Variants in PELI1 observed in about 807,000 individuals in gnomAD.
PELI1 encodes the protein pellino E3 ubiquitin protein ligase 1, also known as E3 ubiquitin-protein ligase pellino homolog 1.
A neutral mutation model predicts 41.3 loss-of-function variants in PELI1; 15 were observed. That is an observed-to-expected ratio of 0.36 (90% CI 0.24 to 0.56). The LOEUF (loss-of-function observed/expected upper bound fraction) is 0.56, where lower values mean the gene tolerates loss of function less well. Ranked by LOEUF, PELI1 falls within the 20% of genes least tolerant of loss-of-function variation. The probability of loss-of-function intolerance (pLI) is 0.82; values close to 1 mark genes in which losing one functional copy is unlikely to be tolerated. For synonymous variants in PELI1, 178 were observed against 180.1 expected (o/e 0.99, Z 0.09); for missense variants, 403 against 525.5 (o/e 0.77, Z 2.28).
intron 1 of PELI1, among the ~76,000 whole-genome samples, chr2:64,139,416 C>T (rs182406309): frequency 9.9e-4 from 150 of 152,056 alleles, no homozygotes; most frequent in African/African-American, 3.5e-3. Flanking sequence ...AGTGATCTTC[C>T]CACCTCAGCT....
chr2:64,143,264 T>C (rs1558491102), intron 1 of PELI1: 1 of 152,256 alleles, frequency 6.6e-6, no homozygotes, highest in Non-Finnish European at 1.5e-5. Context: ...TTAGAGGTTT[T>C]AAGATTCAAA....
chr2:64,093,226 T>C lies in PELI1; in HGVS notation c.*1476A>G, dbSNP rs1680112111. On this transcript the variant is annotated 3_prime_UTR_variant, in exon 7 of 7. Transcript: ENST00000358912. ...TTGTTTTTTAAAAACCAAAAGAAAA[T>C]TCAGAACAGTTTTGTAATAGGATAA... 6.6e-6 allele frequency: 1 copy of C among 152,518 alleles called. No individual in the cohort carries two copies. Among genetic ancestry groups the C allele is most frequent in the South Asian group, 2.1e-4 (1 of 4,822 alleles). 9.4% of individuals were successfully genotyped at this position (152,518 alleles called of 1,614,324 possible). A position where few individuals can be genotyped will look rare whatever the true frequency, so the allele number is the denominator to read the frequency against.
At chr2:64,139,110 T>A (rs1227809855) in intron 1 of PELI1, among the ~76,000 whole-genome samples, 2 of 152,190 alleles carry the variant, frequency 1.3e-5, no homozygotes, top group African/African-American at 4.8e-5. Context: ...TCATTAAATA[T>A]CCAGAGTCTA....
intron 1 of PELI1, among the ~76,000 whole-genome samples, chr2:64,136,512 A>C (rs1196051138): frequency 6.6e-6 from 1 of 152,252 alleles, no homozygotes; most frequent in East Asian, 1.9e-4. Flanking sequence ...TTCCTTACAC[A>C]GTTATATACT....
chr2:64,141,213 T>G (rs1681902148), intron 1 of PELI1, among the ~76,000 whole-genome samples: 1 of 152,188 alleles, frequency 6.6e-6, no homozygotes, highest in Non-Finnish European at 1.5e-5. Context: ...TTTCTTCACT[T>G]TGCTGATTTT....
chr2:64,096,164 G>A lies in PELI1; in HGVS notation c.651C>T (p.Ser217=). The A allele has an allele frequency of 6.2e-7, 1 of 1,613,902 alleles. No homozygotes were observed. The highest frequency in any genetic ancestry group is 8.5e-7 in the Non-Finnish European group (1 of 1,179,926). The change falls in exon 6 of 7, where the codon AGC becomes AGT. Residue 217 remains serine (S), a synonymous_variant. Transcript: ENST00000358912. ...REISVCGNVF[S]LRETRSAQQR... ...GCTGAGCCGATCTGGTTTCACGTAG[G>A]CTAAATACATTTCCACACACCGATA...
intron 1 of PELI1, among the ~76,000 whole-genome samples, chr2:64,128,960 TTC>T (rs1681471661): frequency 1.3e-5 from 2 of 152,192 alleles, no homozygotes; most frequent in African/African-American, 4.8e-5. Context: ...TTTGTTGCTG[TTC>T]TGTTTTACCT....
chr2:64,108,803 C>T (rs1368959382), intron 1 of PELI1, among the ~76,000 whole-genome samples: 1 of 152,174 alleles, frequency 6.6e-6, no homozygotes, highest in Non-Finnish European at 1.5e-5. Flanking sequence ...AAGAAGGCAG[C>T]AACCTGGAAA....
chr2:64,111,195 T>C (rs960142706), intron 1 of PELI1, among the ~76,000 whole-genome samples: 1 of 152,100 alleles, frequency 6.6e-6, no homozygotes, highest in Non-Finnish European at 1.5e-5. Flanking sequence ...AGGAATCTCA[T>C]GAATGAAAAA....
chr2:64,135,303 T>C (rs1681680128), intron 1 of PELI1, among the ~76,000 whole-genome samples: 2 of 152,086 alleles, frequency 1.3e-5, no homozygotes, highest in Admixed American at 1.3e-4. Flanking sequence ...CCTACATTAT[T>C]GAGTTAAAAA....
At chr2:64,122,350 A>G (rs1228375662) in intron 1 of PELI1, among the ~76,000 whole-genome samples, 10 of 150,942 alleles carry the variant, frequency 6.6e-5, no homozygotes, top group African/African-American at 2.5e-4. Context: ...CTTAAAAAAA[A>G]AAAAAAAAAA....
chr2:64,095,083 A>G lies in PELI1; in HGVS notation c.876T>C (p.Pro292=), dbSNP rs1190455538. 4 of 1,614,114 alleles carry G rather than the reference A, an allele frequency of 2.5e-6. No individual in the cohort carries two copies. The highest frequency in any genetic ancestry group is 3.4e-6 in the Non-Finnish European group (4 of 1,180,048). ...CPVGFNTLAF[P]SMKRKDVVDE... ...CTACAACGTCTTTCCTCTTCATACT[A>G]GGAAATGCTAGTGTGTTGAACCCTA... The change falls in exon 7 of 7, where the codon CCT becomes CCC. Residue 292 remains proline (P), a synonymous_variant. Coordinates refer to ENST00000358912, the MANE Select transcript of PELI1 (RefSeq NM_020651.4).
intron 1 of PELI1, among the ~76,000 whole-genome samples, chr2:64,122,777 T>C (rs148946779): frequency 2.1e-3 from 318 of 152,226 alleles, no homozygotes; most frequent in African/African-American, 7.2e-3. Context: ...TTTGAGAAAA[T>C]GTACATTAGG....
At chr2:64,126,444 G>A (rs191139632) in intron 1 of PELI1, among the ~76,000 whole-genome samples, 36 of 152,322 alleles carry the variant, frequency 2.4e-4, no homozygotes, top group South Asian at 6.2e-4. Context: ...TTACAGGCAT[G>A]AGCCACTGTG....
At chr2:64,099,656 T>C (rs1680358176) in intron 4 of PELI1, among the ~76,000 whole-genome samples, 1 of 152,164 alleles carries the variant, frequency 6.6e-6, no homozygotes, top group Non-Finnish European at 1.5e-5. Context: ...AAAATGGAAG[T>C]CAATGTGACA....
At position 64,143,259 on chromosome 2, in the gene PELI1, G is replaced by A. The variant is rs533839847; in HGVS notation, c.-70+822C>T. The A allele has an allele frequency of 3.9e-5, 6 of 152,312 alleles. No homozygotes were observed. The South Asian group carries it at 1.2e-3, about 32-fold the overall frequency. The allele number at this position is 152,312 out of a possible 1,614,324, so 9.4% of individuals were successfully genotyped here. Reference sequence around the variant, plus strand: ...GAGCATTTTTCACTAAGTCTTTAGAGGTTTTAAGATTCAAACACTATGTAA... The same window carrying A: ...GAGCATTTTTCACTAAGTCTTTAGAAGTTTTAAGATTCAAACACTATGTAA... On this transcript the variant is annotated intron_variant, in intron 1 of 6. Coordinates refer to ENST00000358912, the MANE Select transcript of PELI1 (RefSeq NM_020651.4).
intron 1 of PELI1, chr2:64,143,466 T>G (rs1387174073): frequency 3.3e-5 from 5 of 152,096 alleles, no homozygotes; most frequent in Non-Finnish European, 7.4e-5. Flanking sequence ...ATCCATCAAT[T>G]TGAGAGCTTT....
rs1339878950 is a variant in PELI1 at position 64,110,247 on chromosome 2, G to GGA, written c.-69-1869_-69-1868insTC. 2.0e-5 allele frequency among the ~76,000 whole-genome samples: 2 copies of GGA among 100,798 alleles called. 1 individual carries two copies. The highest frequency in any genetic ancestry group is 6.6e-5 in the African/African-American group (2 of 30,310). 66.1% of individuals were successfully genotyped at this position (100,798 alleles called of 152,430 possible). A position where few individuals can be genotyped will look rare whatever the true frequency, so the allele number is the denominator to read the frequency against. The stretch of plus-strand genomic sequence containing the variant: ...GCGACAGAGTGAGACTCCGTCTCAA[G>GGA]AAAAAAAAAAAAAAAAAAAAAGAAA... On this transcript the variant is annotated intron_variant, in intron 1 of 6. Coordinates refer to ENST00000358912, the MANE Select transcript of PELI1 (RefSeq NM_020651.4).
chr2:64,116,893 C>T (rs1352805355), intron 1 of PELI1, among the ~76,000 whole-genome samples: 1 of 152,190 alleles, frequency 6.6e-6, no homozygotes, highest in Admixed American at 6.5e-5. Context: ...GTAATTCTCA[C>T]AATATTTCAA....
Sources: allele counts gnomAD v4.1 joint callset (sites outside exome capture counted in the v4.1 genomes callset), GRCh38; gene constraint gnomAD v4.1.1; transcripts MANE v1.5; gene names NCBI Gene and HGNC (gene_info 2026-07-23, HGNC 2026-07-21).